The following MTNR1A variants were observed in gnomAD, a reference collection of about 807,000 sequenced individuals.
The protein encoded by MTNR1A is melatonin receptor 1A, also known as melatonin receptor type 1A.
MTNR1A carries 7 observed loss-of-function variants against 5.5 expected under a neutral mutation model. The observed-to-expected ratio is 1.28, with a 90% CI of 0.73 to 2.40. MTNR1A has a LOEUF of 2.40. Among genes scored for constraint, MTNR1A ranks in the 30% most tolerant of loss-of-function variants. The pLI, the probability that MTNR1A is intolerant of heterozygous loss-of-function variation, is 0.00. For synonymous variants in MTNR1A, 196 were observed against 202.7 expected, an observed-to-expected ratio of 0.97 and a Z score of 0.28; for missense variants, 441 against 464.4, an observed-to-expected ratio of 0.95 and a Z score of 0.46.
At chr4:186,552,114 T>C (rs1737276801) in intron 1 of MTNR1A, among the ~76,000 whole-genome samples, 1 of 152,226 alleles carries the variant, frequency 6.6e-6, no homozygotes, top group African/African-American at 2.4e-5. Flanking sequence ...GAGCCGTGAA[T>C]GGTGAGCAGG....
chr4:186,534,673 G>C (rs546265326), intron 1 of MTNR1A, 116 bp from the exon 2 acceptor site: 18 of 1,283,396 alleles, frequency 1.4e-5, no homozygotes, highest in Admixed American at 5.9e-5. Context: ...TCACAGCGGC[G>C]GCCGCACTGC....
At chr4:186,536,429 G>A (rs1217208147) in intron 1 of MTNR1A, among the ~76,000 whole-genome samples, 1 of 152,160 alleles carries the variant, frequency 6.6e-6, no homozygotes, top group Non-Finnish European at 1.5e-5. Flanking sequence ...CAGAAGCTGT[G>A]AGGAAAGGGG....
At chr4:186,543,928 T>A in intron 1 of MTNR1A, among the ~76,000 whole-genome samples, 1 of 152,322 alleles carries the variant, frequency 6.6e-6, no homozygotes. Context: ...GAATTCTGTT[T>A]TCTGCATAAT....
chr4:186,540,711 GGACCAGGTGCTGTCTGACTGACT>G (rs1181357415), intron 1 of MTNR1A, among the ~76,000 whole-genome samples: 154 of 149,720 alleles, frequency 1.0e-3, no homozygotes, highest in African/African-American at 3.7e-3. Flanking sequence ...TCTGTCTGAA[GGACCAGGTGCTGTCTGACTGACT>G]GAAGGACCAG....
rs566174237 is a variant in MTNR1A at position 186,545,119 on chromosome 4, AG to A, written c.184+10062del. Among the ~76,000 whole-genome samples, 17 of 152,204 alleles carry A rather than the reference AG, an allele frequency of 1.1e-4. No individual in the cohort carries two copies. In the East Asian group the frequency reaches 3.3e-3, roughly 29 times the overall value. On this transcript the variant is annotated intron_variant, in intron 1 of 1. Coordinates refer to ENST00000307161, the MANE Select transcript of MTNR1A (RefSeq NM_005958.4). ...CCCCCTGAGAGTGCTCCCTCAGCAA[AG>A]CACGAGTACCAAGCCTCTGTCTCAG...
chr4:186,541,526 C>A (rs1166449482), intron 1 of MTNR1A, among the ~76,000 whole-genome samples: 1 of 152,018 alleles, frequency 6.6e-6, no homozygotes, highest in Non-Finnish European at 1.5e-5. Flanking sequence ...TTAGCCACTG[C>A]TCTAGCTGAC....
Position 186,533,671 on chromosome 4 carries a change from C to A in MTNR1A, c.*18G>T, listed in dbSNP as rs763623960. ...GCCTTGCGCAGCGTGTCCATCTCAC[C>A]CGGAACGTGGTGCTTTTTTAAACGG... On this transcript the variant is annotated 3_prime_UTR_variant, in exon 2 of 2. Coordinates refer to ENST00000307161, the MANE Select transcript of MTNR1A (RefSeq NM_005958.4). The A allele has an allele frequency of 3.1e-6, 5 of 1,613,254 alleles. No individual in the cohort carries two copies. The highest frequency in any genetic ancestry group is 1.8e-4 in the Middle Eastern group (1 of 5,428).
intron 1 of MTNR1A, among the ~76,000 whole-genome samples, chr4:186,547,508 C>T (rs1737179970): frequency 6.6e-6 from 1 of 152,230 alleles, no homozygotes; most frequent in African/African-American, 2.4e-5. Flanking sequence ...TCGTCCCACA[C>T]CTGGTTCATG....
chr4:186,533,779 C>T lies in MTNR1A; in HGVS notation c.963G>A (p.Val321=). The T allele has an allele frequency of 6.2e-7, 1 of 1,614,186 alleles. No homozygotes were observed. The highest frequency in any genetic ancestry group is 8.5e-7 in the Non-Finnish European group (1 of 1,180,040). ...VSLCTARVFF[V]DSSNDVADRV... ...TATCGGCCACGTCGTTAGAGCTGTC[C>T]ACAAAGAACACCCTGGCTGTACAGA... is the stretch of plus-strand genomic sequence containing the variant. The change falls in exon 2 of 2, where the codon GTG becomes GTA. Residue 321 remains valine (V), a synonymous_variant. Coordinates refer to ENST00000307161, the MANE Select transcript of MTNR1A (RefSeq NM_005958.4).
chr4:186,536,868 A>G (rs901813202), intron 1 of MTNR1A, among the ~76,000 whole-genome samples: 2 of 152,210 alleles, frequency 1.3e-5, no homozygotes, highest in Non-Finnish European at 2.9e-5. Flanking sequence ...TTAATAAATT[A>G]TTTAGCTCAA....
chr4:186,533,917 C>T lies in MTNR1A; in HGVS notation c.825G>A (p.Trp275Ter), dbSNP rs1434535465. ...CCATGTAGTAACTGGCCACAAACAG[C>T]CACTCTGGGATCCTAGGCACCATGC... ...PASMVPRIPE[W>*]LFVASYYMAY... The change falls in exon 2 of 2, where the codon TGG becomes TGA. Residue 275 changes from tryptophan to a stop codon, truncating the protein, a stop_gained. Coordinates refer to ENST00000307161, the MANE Select transcript of MTNR1A (RefSeq NM_005958.4). LOFTEE classifies it high-confidence loss of function. 12 of 1,614,060 alleles carry T rather than the reference C, an allele frequency of 7.4e-6. No homozygotes were observed. Among genetic ancestry groups the T allele is most frequent in the Non-Finnish European group, 1.0e-5 (12 of 1,180,046 alleles).
intron 1 of MTNR1A, among the ~76,000 whole-genome samples, chr4:186,539,767 A>AG (rs1232911244): frequency 1.3e-5 from 2 of 152,254 alleles, no homozygotes; most frequent in African/African-American, 2.4e-5. Flanking sequence ...AACACATTTC[A>AG]GTTATTTACA....
intron 1 of MTNR1A, among the ~76,000 whole-genome samples, chr4:186,550,173 TCCTGGTCA>T (rs1737240471): frequency 6.6e-6 from 1 of 152,196 alleles, no homozygotes; most frequent in East Asian, 1.9e-4. Context: ...GCGCTCAGGT[TCCTGGTCA>T]CCTTGATTAT....
intron 1 of MTNR1A, among the ~76,000 whole-genome samples, chr4:186,548,808 A>AAAATATAT (rs1737206205): frequency 2.1e-5 from 1 of 48,316 alleles, no homozygotes; most frequent in African/African-American, 7.4e-5. Context: ...TTAATCTATA[A>AAAATATAT]AGATATATAT....
At chr4:186,539,772 T>C (rs899901092) in intron 1 of MTNR1A, among the ~76,000 whole-genome samples, 1 of 152,216 alleles carries the variant, frequency 6.6e-6, no homozygotes. Flanking sequence ...ATTTCAGTTA[T>C]TTACAACTTC....
chr4:186,553,895 G>A (rs901076465), intron 1 of MTNR1A, among the ~76,000 whole-genome samples: 1 of 152,176 alleles, frequency 6.6e-6, no homozygotes, highest in African/African-American at 2.4e-5. Context: ...GCGAGCTCTG[G>A]AGGCCAGCTC....
At chr4:186,540,018 C>G (rs1203985981) in intron 1 of MTNR1A, among the ~76,000 whole-genome samples, 1 of 152,158 alleles carries the variant, frequency 6.6e-6, no homozygotes, top group Non-Finnish European at 1.5e-5. Context: ...GCTGGGGAAG[C>G]CTCACAATCA....
intron 1 of MTNR1A, among the ~76,000 whole-genome samples, chr4:186,541,528 C>T (rs1332956299): frequency 2.0e-5 from 3 of 152,068 alleles, no homozygotes; most frequent in Non-Finnish European, 4.4e-5. Flanking sequence ...AGCCACTGCT[C>T]TAGCTGACCA....
intron 1 of MTNR1A, among the ~76,000 whole-genome samples, chr4:186,547,774 T>C (rs1357179036): frequency 2.6e-5 from 4 of 152,214 alleles, no homozygotes; most frequent in African/African-American, 9.6e-5. Flanking sequence ...ATACACTGTA[T>C]ATACAATACG....
Sources: allele counts gnomAD v4.1 joint callset (sites outside exome capture counted in the v4.1 genomes callset), GRCh38; gene constraint gnomAD v4.1.1; transcripts MANE v1.5; gene names NCBI Gene and HGNC (gene_info 2026-07-23, HGNC 2026-07-21).